Variants in PCBP3 observed in about 807,000 individuals in gnomAD.
The protein encoded by PCBP3 is poly(rC)-binding protein 3.
Under a neutral mutation model 52.7 loss-of-function variants are expected in PCBP3, and 25 were observed. That is an observed-to-expected ratio of 0.47 (90% CI 0.35 to 0.66). PCBP3 has a LOEUF of 0.66. Ranked by LOEUF, PCBP3 falls within the 30% of genes least tolerant of loss-of-function variation. The pLI, the probability that PCBP3 is intolerant of heterozygous loss-of-function variation, is 0.01. For missense variants in PCBP3, 391 were observed against 490.3 expected, an observed-to-expected ratio of 0.80 and a Z score of 1.91; for synonymous variants, 162 against 183.0, an observed-to-expected ratio of 0.89 and a Z score of 0.93.
chr21:45,833,418 C>T (rs180671669), intron 4 of PCBP3, among the ~76,000 whole-genome samples: 3 of 152,280 alleles, frequency 2.0e-5, no homozygotes, highest in East Asian at 1.9e-4. Context: ...AACAGCACAA[C>T]CTTAGAACCT....
intron 5 of PCBP3, among the ~76,000 whole-genome samples, chr21:45,850,869 T>C (rs2093969499): frequency 6.6e-6 from 1 of 152,178 alleles, no homozygotes; most frequent in South Asian, 2.1e-4. Context: ...GCAATTATAC[T>C]GGAAATTAAT....
intron 2 of PCBP3, among the ~76,000 whole-genome samples, chr21:45,670,522 G>T (rs74654036): frequency 6.6e-6 from 1 of 152,150 alleles, no homozygotes; most frequent in Non-Finnish European, 1.5e-5. Context: ...TTTTTAGAGA[G>T]GTTTTCATCA....
chr21:45,705,665 G>C (rs2083403477), intron 2 of PCBP3, among the ~76,000 whole-genome samples: 1 of 152,188 alleles, frequency 6.6e-6, no homozygotes, highest in Non-Finnish European at 1.5e-5. Flanking sequence ...AGGGATCCGT[G>C]GATGTTTTCT....
At chr21:45,893,957 G>A in intron 5 of PCBP3, 1 of 985,562 alleles carries the variant, frequency 1.0e-6, no homozygotes, top group Non-Finnish European at 1.2e-6. Flanking sequence ...TAGCTGGGAA[G>A]GACAGCAGCA....
rs1185544441 is a variant in PCBP3 at position 45,880,250 on chromosome 21, T to A, written c.11-15958T>A. Among the ~76,000 whole-genome samples, 7 of 152,218 alleles carry A rather than the reference T, an allele frequency of 4.6e-5. No homozygotes were observed. The highest frequency in any genetic ancestry group is 4.6e-4 in the Admixed American group (7 of 15,288). ...TTGCCTGGTTCCCCAGTTGCCCTCC[T>A]GGAAAGCTCTACCCTGCTGGCCCTG... is the stretch of plus-strand genomic sequence containing the variant. On this transcript the variant is annotated intron_variant, in intron 5 of 17. Transcript: ENST00000681687. The surrounding 1 kb of genome is among the most constrained non-coding windows in gnomAD (Gnocchi z 5.4).
chr21:45,667,479 C>T (rs914782664), intron 1 of PCBP3, among the ~76,000 whole-genome samples: 1 of 152,112 alleles, frequency 6.6e-6, no homozygotes, highest in Non-Finnish European at 1.5e-5. Context: ...AATGAATGTG[C>T]TATTTCAATT....
intron 3 of PCBP3, chr21:45,744,406 G>A (rs368349888): frequency 3.3e-5 from 5 of 152,030 alleles, no homozygotes; most frequent in Non-Finnish European, 5.9e-5. Flanking sequence ...TAGATGCTCA[G>A]GCTAGTCTCA....
chr21:45,705,832 T>A (rs2083413565), intron 2 of PCBP3, among the ~76,000 whole-genome samples: 1 of 152,216 alleles, frequency 6.6e-6, no homozygotes, highest in African/African-American at 2.4e-5. Flanking sequence ...TACTGACCCC[T>A]GCTGTGAGCC....
intron 5 of PCBP3, among the ~76,000 whole-genome samples, chr21:45,889,589 G>A (rs1019680692): frequency 2.6e-5 from 4 of 152,220 alleles, no homozygotes; most frequent in Non-Finnish European, 2.9e-5. Context: ...TCTGCAGCCC[G>A]CCCTTGGGAA....
At chr21:45,929,338 T>C (rs2075874089) in intron 13 of PCBP3, among the ~76,000 whole-genome samples, 1 of 152,044 alleles carries the variant, frequency 6.6e-6, no homozygotes, top group African/African-American at 2.4e-5. Flanking sequence ...CTTCTGGAGG[T>C]GACTAAAAGG....
chr21:45,706,952 A>C (rs1177588571), intron 2 of PCBP3, among the ~76,000 whole-genome samples: 2 of 152,230 alleles, frequency 1.3e-5, no homozygotes, highest in East Asian at 3.8e-4. Context: ...AGATGACAGA[A>C]AATCTCTTGG....
intron 5 of PCBP3, among the ~76,000 whole-genome samples, chr21:45,890,892 T>A (rs1343456744): frequency 6.6e-6 from 1 of 151,150 alleles, no homozygotes. Flanking sequence ...CTCTGTGCAC[T>A]GCTGAGGGGA....
At chr21:45,883,947 A>G (rs1397441972) in intron 5 of PCBP3, among the ~76,000 whole-genome samples, 1 of 152,018 alleles carries the variant, frequency 6.6e-6, no homozygotes, top group African/African-American at 2.4e-5. Flanking sequence ...TTTTGTATTT[A>G]TTTATTTTGA....
chr21:45,646,099 C>CTG (rs1569070146), intron 1 of PCBP3, among the ~76,000 whole-genome samples: 1 of 85,444 alleles, frequency 1.2e-5, no homozygotes, highest in Non-Finnish European at 2.5e-5. Flanking sequence ...CTCTCTCTCT[C>CTG]TCTCTCTCTG....
At chr21:45,885,563 C>T (rs1319465985) in intron 5 of PCBP3, among the ~76,000 whole-genome samples, 1 of 152,150 alleles carries the variant, frequency 6.6e-6, no homozygotes, top group Non-Finnish European at 1.5e-5. Flanking sequence ...TCAGGGGCCC[C>T]ATCTGTGTGT....
chr21:45,938,294 G>T (rs968466259), intron 16 of PCBP3, among the ~76,000 whole-genome samples: 2 of 152,368 alleles, frequency 1.3e-5, no homozygotes, highest in South Asian at 4.1e-4. Flanking sequence ...AAGCGGCTGC[G>T]TGCTGGCCAA....
At chr21:45,814,732 T>G (rs1603441731) in intron 4 of PCBP3, among the ~76,000 whole-genome samples, 3 of 87,876 alleles carry the variant, frequency 3.4e-5, no homozygotes, top group Non-Finnish European at 6.8e-5. Context: ...TGGTGAGTGG[T>G]GAGTGAGTGG....
At chr21:45,781,784 T>C (rs1249420366) in intron 4 of PCBP3, among the ~76,000 whole-genome samples, 6 of 152,240 alleles carry the variant, frequency 3.9e-5, no homozygotes, top group Non-Finnish European at 8.8e-5. Context: ...TGTATCCATA[T>C]AGGTGTGTAC....
chr21:45,813,819 C>G (rs1054342679), intron 4 of PCBP3, among the ~76,000 whole-genome samples: 1 of 152,232 alleles, frequency 6.6e-6, no homozygotes, highest in Admixed American at 6.5e-5. Flanking sequence ...TGTCTGCCAT[C>G]TCTTTATTTT....
Sources: allele counts gnomAD v4.1 joint callset (sites outside exome capture counted in the v4.1 genomes callset), GRCh38; gene constraint gnomAD v4.1.1; non-coding constraint Gnocchi (gnomAD v3.1); transcripts MANE v1.5; gene names NCBI Gene and HGNC (gene_info 2026-07-23, HGNC 2026-07-21).